Variants in PTPN3 observed in about 807,000 individuals in gnomAD.
PTPN3 encodes tyrosine-protein phosphatase non-receptor type 3.
A neutral mutation model predicts 132.7 loss-of-function variants in PTPN3; 96 were observed. The observed-to-expected ratio is 0.72, with a 90% CI of 0.61 to 0.86. The LOEUF (loss-of-function observed/expected upper bound fraction) is 0.86. PTPN3 is among the 40% of genes least tolerant of loss of function. The pLI is 0.00. For synonymous variants in PTPN3, 398 were observed against 429.0 expected, an observed-to-expected ratio of 0.93 and a Z score of 0.89; for missense variants, 1,125 against 1,159.6, an observed-to-expected ratio of 0.97 and a Z score of 0.43.
At chr9:109,391,584 A>T (rs956450261) in intron 19 of PTPN3, 23 bp from the exon 20 acceptor site, 1 of 1,570,694 alleles carries the variant, frequency 6.4e-7, no homozygotes, top group Non-Finnish European at 8.7e-7. Flanking sequence ...TAGAGAAAAA[A>T]GCAAGCATTG....
At chr9:109,420,335 G>C in intron 14 of PTPN3, 89 bp downstream of exon 14, 1 of 1,373,080 alleles carries the variant, frequency 7.3e-7, no homozygotes, top group Non-Finnish European at 9.8e-7. Flanking sequence ...CCAGCTCTTG[G>C]TTCCTCTCAA....
intron 1 of PTPN3, among the ~76,000 whole-genome samples, chr9:109,479,630 G>A (rs577254879): frequency 6.6e-6 from 1 of 152,256 alleles, no homozygotes; most frequent in South Asian, 2.1e-4. Context: ...AGGCTGGAGT[G>A]CAAAGGCACC....
intron 19 of PTPN3, among the ~76,000 whole-genome samples, chr9:109,393,233 T>A (rs188985079): frequency 6.6e-6 from 1 of 152,302 alleles, no homozygotes; most frequent in East Asian, 1.9e-4. Flanking sequence ...TATTTACACA[T>A]ATGATCTTTA....
At chr9:109,408,187 G>C (rs1479861330) in intron 17 of PTPN3, 134 bp downstream of exon 17, 1 of 626,252 alleles carries the variant, frequency 1.6e-6, no homozygotes, top group Admixed American at 3.4e-5. Context: ...CAAGGTTATA[G>C]AAAACATGGT....
Position 109,382,348 on chromosome 9 carries a change from C to T in PTPN3, c.2482G>A (p.Val828Met), listed in dbSNP as rs1310882886. The T allele has an allele frequency of 6.2e-7, 1 of 1,614,096 alleles. No individual in the cohort carries two copies. ...SSDFLEFVNY[V>M]RSLRVDSEPV... ...TCGCTGTCCACTCTCAGAGACCTCA[C>T]ATAGTTTACAAATTCCAGAAAGTCG... Residue 828 changes from valine (V) to methionine (M), a missense_variant, in exon 24 of 26, where the codon GTG becomes ATG. Transcript: ENST00000374541.
At chr9:109,410,173 C>G in intron 15 of PTPN3, 56 bp downstream of exon 15, 1 of 1,611,124 alleles carries the variant, frequency 6.2e-7, no homozygotes, top group Non-Finnish European at 8.5e-7. Flanking sequence ...CAGCTGCCCA[C>G]AAGAGGCCGG....
Position 109,410,012 on chromosome 9 carries a change from C to T in PTPN3, c.1565G>A (p.Gly522Glu). 6.2e-7 allele frequency: 1 copy of T among 1,614,158 alleles called. No individual in the cohort carries two copies. The highest frequency in any genetic ancestry group is 8.5e-7 in the Non-Finnish European group (1 of 1,180,028). The change falls in exon 16 of 26, where the codon GGA becomes GAA. Residue 522 changes from glycine (G) to glutamate (E), a missense_variant. Physicochemically the swap from Gly to Glu is moderately conservative, Grantham distance 98 (BLOSUM62 -2). Transcript: ENST00000374541. ...TACACAACATACCTTAAGATTAAAT[C>T]CAAATTTTCCATCTTCATCTGGTGT... ...RITPDEDGKF[G>E]FNLKGGVDQK...
At chr9:109,503,459 C>G in the PTPN3 span, among the ~76,000 whole-genome samples, 1 of 152,128 alleles carries the variant, frequency 6.6e-6, no homozygotes, top group Non-Finnish European at 1.5e-5. Context: ...AATCCCAGCA[C>G]TTTGGGAGTC....
At chr9:109,454,660 T>G in intron 4 of PTPN3, 86 bp from the exon 5 acceptor site, 1 of 1,001,744 alleles carries the variant, frequency 1.0e-6, no homozygotes. Flanking sequence ...AGTGATGCAT[T>G]TTTTCACTCA....
intron 9 of PTPN3, among the ~76,000 whole-genome samples, chr9:109,434,633 G>C (rs1239734215): frequency 6.6e-6 from 1 of 152,166 alleles, no homozygotes; most frequent in Non-Finnish European, 1.5e-5. Context: ...ATAAAGAGGG[G>C]GCATGGTTTG....
upstream of PTPN3, among the ~76,000 whole-genome samples, chr9:109,502,276 A>T (rs951385905): frequency 1.3e-5 from 2 of 152,238 alleles, no homozygotes; most frequent in African/African-American, 4.8e-5. Context: ...TGTCATTCGC[A>T]TCAAGACTTG....
intron 16 of PTPN3, 61 bp from the exon 17 acceptor site, chr9:109,408,438 A>AAAC (rs1292055648): frequency 5.1e-6 from 7 of 1,384,336 alleles, no homozygotes; most frequent in South Asian, 2.6e-5. Context: ...ACAAACAAAC[A>AAAC]AAAAAACGAG....
the PTPN3 span, among the ~76,000 whole-genome samples, chr9:109,537,576 G>A: frequency 2.0e-5 from 3 of 151,658 alleles, no homozygotes; most frequent in African/African-American, 4.8e-5. Flanking sequence ...ACACTCTACT[G>A]TCACGTTGTC....
At chr9:109,488,609 G>A (rs1554808395) in intron 1 of PTPN3, among the ~76,000 whole-genome samples, 1 of 152,148 alleles carries the variant, frequency 6.6e-6, no homozygotes, top group Non-Finnish European at 1.5e-5. Flanking sequence ...ATGCTTCCCA[G>A]AAAATAGCTC....
upstream of PTPN3, among the ~76,000 whole-genome samples, chr9:109,500,855 A>G (rs1030305383): frequency 1.3e-5 from 2 of 151,348 alleles, no homozygotes; most frequent in South Asian, 4.2e-4. Context: ...TGAGCCAGGA[A>G]GGTCAAGGCT....
At chr9:109,404,366 G>T in intron 19 of PTPN3, 82 bp downstream of exon 19, 1 of 1,044,840 alleles carries the variant, frequency 9.6e-7, no homozygotes, top group Non-Finnish European at 1.3e-6. Context: ...TTGTGTCTCT[G>T]CCTCATTTCC....
intron 5 of PTPN3, chr9:109,451,385 T>C (rs1469138320): frequency 6.2e-6 from 6 of 970,042 alleles, no homozygotes; most frequent in African/African-American, 1.8e-5. Context: ...ACCACCCTTC[T>C]TAAGATGGAA....
At chr9:109,528,099 AG>A in the PTPN3 span, among the ~76,000 whole-genome samples, 3 of 152,236 alleles carry the variant, frequency 2.0e-5, no homozygotes, top group African/African-American at 7.2e-5. Flanking sequence ...TATAATATCT[AG>A]TGTTGGCAAT....
intron 1 of PTPN3, among the ~76,000 whole-genome samples, chr9:109,487,032 G>A (rs553965222): frequency 2.6e-5 from 4 of 152,176 alleles, no homozygotes; most frequent in Admixed American, 1.3e-4. Flanking sequence ...GCAGTCTTGG[G>A]TATGTCTTTA....
Sources: allele counts gnomAD v4.1 joint callset (sites outside exome capture counted in the v4.1 genomes callset), GRCh38; gene constraint gnomAD v4.1.1; transcripts MANE v1.5; gene names NCBI Gene and HGNC (gene_info 2026-07-23, HGNC 2026-07-21).